The following ICA1 variants were observed in gnomAD, a reference collection of about 807,000 sequenced individuals.
ICA1 encodes 69 kDa islet cell autoantigen.
Under a neutral mutation model 71.0 loss-of-function variants are expected in ICA1, and 40 were observed. The observed-to-expected ratio is 0.56, with a 90% CI of 0.44 to 0.73. The LOEUF is 0.73. ICA1 is among the 30% of genes least tolerant of loss of function. The pLI, the probability that ICA1 is intolerant of heterozygous loss-of-function variation, is 0.00. For synonymous variants in ICA1, 207 were observed against 209.5 expected (o/e 0.99, Z 0.10); for missense variants, 578 against 576.5 (o/e 1.00, Z -0.03).
intron 13 of ICA1, among the ~76,000 whole-genome samples, chr7:8,118,748 C>CT (rs904166534): frequency 1.3e-5 from 2 of 152,184 alleles, no homozygotes; most frequent in African/African-American, 4.8e-5. Flanking sequence ...TTCTCCAACA[C>CT]TAAGTGTACC....
At chr7:8,236,260 T>C (rs1801814046) in intron 1 of ICA1, among the ~76,000 whole-genome samples, 3 of 152,244 alleles carry the variant, frequency 2.0e-5, no homozygotes, top group East Asian at 3.8e-4. Flanking sequence ...ACATAAAATA[T>C]AATATCATTT....
In ICA1 at chr7:8,226,840, G is replaced by A. The variant is rs1363713617; in HGVS notation, c.256+1761C>T. ...CAAGATAATTATGAGCCTTCATGGTGTTCAACTATAATTCTATTAACTAAT... is the reference window on the plus strand; with the variant it reads ...CAAGATAATTATGAGCCTTCATGGTATTCAACTATAATTCTATTAACTAAT... On this transcript the variant is annotated intron_variant, in intron 4 of 13. Coordinates refer to ENST00000402384, the MANE Select transcript of ICA1 (RefSeq NM_001136020.3). This position sits in a 1 kb window ranked among gnomAD's most constrained non-coding sequence, Gnocchi z 4.4. 6.6e-6 allele frequency among the ~76,000 whole-genome samples: 1 copy of A among 152,180 alleles called. No individual in the cohort carries two copies. The highest frequency in any genetic ancestry group is 2.4e-5 in the African/African-American group (1 of 41,436).
At chr7:8,224,295 C>T (rs1563084022) in intron 4 of ICA1, among the ~76,000 whole-genome samples, 1 of 152,020 alleles carries the variant, frequency 6.6e-6, no homozygotes, top group Non-Finnish European at 1.5e-5. Flanking sequence ...GCAGGAACAC[C>T]CAGTGCAAAA....
At chr7:8,140,988 G>A (rs1345996029) in intron 10 of ICA1, among the ~76,000 whole-genome samples, 1 of 152,210 alleles carries the variant, frequency 6.6e-6, no homozygotes, top group Non-Finnish European at 1.5e-5. Context: ...GGGGGACCAG[G>A]TAAACACAGT....
In ICA1 at chr7:8,168,579, G is replaced by A. The variant is rs140862287; in HGVS notation, c.580-9927C>T. On this transcript the variant is annotated intron_variant, in intron 6 of 13. Coordinates refer to ENST00000402384, the MANE Select transcript of ICA1 (RefSeq NM_001136020.3). Reference sequence around the variant, plus strand: ...TTAGATACCATCTCAAGAACCCCTGGTCAACAATGTTGATCTTATCAGTTT... The same window carrying A: ...TTAGATACCATCTCAAGAACCCCTGATCAACAATGTTGATCTTATCAGTTT... Among the ~76,000 whole-genome samples the A allele has an allele frequency of 6.6e-4, 101 of 152,242 alleles. No individual in the cohort carries two copies. In the Middle Eastern group the frequency reaches 0.017, roughly 26 times the overall value.
At chr7:8,152,449 C>T (rs1181534079) in intron 8 of ICA1, among the ~76,000 whole-genome samples, 1 of 151,904 alleles carries the variant, frequency 6.6e-6, no homozygotes, top group African/African-American at 2.4e-5. Context: ...CTGTTATCCT[C>T]ACCACTGCCA....
intron 3 of ICA1, among the ~76,000 whole-genome samples, 160 bp downstream of exon 3, chr7:8,232,430 T>C (rs1415564998): frequency 2.0e-5 from 3 of 152,182 alleles, no homozygotes; most frequent in African/African-American, 7.2e-5. Context: ...TGTGAGAATT[T>C]GCAGGTTTTA....
intron 7 of ICA1, chr7:8,157,764 G>C (rs914074825): frequency 6.8e-6 from 1 of 147,086 alleles, no homozygotes; most frequent in Non-Finnish European, 1.5e-5. Context: ...GTGCGATCTC[G>C]GCTCACTTCG....
At chr7:8,155,185 T>C (rs1197956309) in intron 8 of ICA1, among the ~76,000 whole-genome samples, 2 of 152,326 alleles carry the variant, frequency 1.3e-5, no homozygotes, top group Admixed American at 6.5e-5. Context: ...CTAACAGATA[T>C]ATTATTACTC....
intron 6 of ICA1, among the ~76,000 whole-genome samples, chr7:8,169,901 A>AGTGTGTGTGTGTGT (rs58794085): frequency 0.37 from 54,015 of 146,850 alleles, 11,468 homozygotes; most frequent in South Asian, 0.56. Flanking sequence ...TTAATGCCTG[A>AGTGTGTGTGTGTGT]GTGTGTGTGT....
intron 6 of ICA1, among the ~76,000 whole-genome samples, chr7:8,190,804 C>G (rs941660023): frequency 1.1e-4 from 16 of 152,178 alleles, no homozygotes; most frequent in African/African-American, 3.9e-4. Flanking sequence ...TCTAACAGTG[C>G]AAAGTTCACG....
intron 3 of ICA1, 75 bp from the exon 4 acceptor site, chr7:8,228,748 A>G: frequency 2.1e-6 from 2 of 968,100 alleles, no homozygotes; most frequent in South Asian, 3.2e-5. Flanking sequence ...ATTGAACACA[A>G]CCAGAGTGTT....
intron 1 of ICA1, among the ~76,000 whole-genome samples, chr7:8,248,690 T>G (rs146920713): frequency 1.3e-5 from 2 of 152,176 alleles, no homozygotes; most frequent in Admixed American, 6.5e-5. Flanking sequence ...CACTCCAGCC[T>G]GGGCAGCAGA....
In ICA1 at chr7:8,128,047, C is replaced by T; in HGVS notation, c.1156G>A (p.Glu386Lys). 1.2e-6 allele frequency: 2 copies of T among 1,614,212 alleles called. No individual in the cohort carries two copies. Among genetic ancestry groups the T allele is most frequent in the Non-Finnish European group, 1.7e-6 (2 of 1,180,034 alleles). Residue 386 changes from glutamate to lysine, a missense_variant, in exon 13 of 14, where the codon GAA (glutamate) becomes AAA (lysine). By Grantham distance (56) the Glu-to-Lys change is moderately conservative. Coordinates refer to ENST00000402384, the MANE Select transcript of ICA1 (RefSeq NM_001136020.3). ...CACTCTTTGCTGAACTCGCCCTCTT[C>T]CAAGGAGGAAGCATTGAAGATCTCA... Reference protein sequence around the residue: ...LSEIFNASSLEEGEFSKEWAA... With the variant: ...LSEIFNASSLKEGEFSKEWAA...
chr7:8,232,847 T>C (rs1800677567), intron 2 of ICA1, 92 bp from the exon 3 acceptor site: 4 of 1,117,238 alleles, frequency 3.6e-6, no homozygotes, highest in East Asian at 2.7e-5. Flanking sequence ...TGACTTTCCA[T>C]TATGCATTTA....
At chr7:8,126,454 T>G (rs550987129) in intron 13 of ICA1, among the ~76,000 whole-genome samples, 16 of 152,210 alleles carry the variant, frequency 1.1e-4, no homozygotes, top group East Asian at 5.8e-4. Flanking sequence ...ATCCCTGCTA[T>G]CTCTACCTCC....
chr7:8,196,938 G>A (rs74819920), intron 6 of ICA1, among the ~76,000 whole-genome samples: 3 of 152,008 alleles, frequency 2.0e-5, no homozygotes, highest in South Asian at 2.1e-4. Context: ...CATGTGACAC[G>A]TGACTTTGCT....
chr7:8,132,326 G>A lies in ICA1; in HGVS notation c.1061-4184C>T, dbSNP rs539371547. Among the ~76,000 whole-genome samples the A allele has an allele frequency of 6.6e-6, 1 of 152,234 alleles. No homozygotes were observed. Among genetic ancestry groups the A allele is most frequent in the African/African-American group, 2.4e-5 (1 of 41,538 alleles). ...CTTCCTTCCCCTAGCCGCAGGAGAT[G>A]TGTGCCTATCTCAACAATAATCAGC... is the stretch of plus-strand genomic sequence containing the variant. On this transcript the variant is annotated intron_variant, in intron 12 of 13. Transcript: ENST00000402384. The surrounding 1 kb of genome is among the most constrained non-coding windows in gnomAD (Gnocchi z 4.5).
At chr7:8,239,796 T>A (rs1364603509) in intron 1 of ICA1, among the ~76,000 whole-genome samples, 1 of 152,208 alleles carries the variant, frequency 6.6e-6, no homozygotes, top group Non-Finnish European at 1.5e-5. Flanking sequence ...TGCTCACTGC[T>A]AGCACAGCAG....
Sources: gnomAD v4.1 joint callset for allele counts (sites outside exome capture counted in the v4.1 genomes callset) on GRCh38, gnomAD v4.1.1 for gene constraint, Gnocchi (gnomAD v3.1) non-coding constraint, MANE v1.5 for transcripts, NCBI Gene and HGNC (gene_info 2026-07-23, HGNC 2026-07-21) for gene names.